SLC35F1: variants seen among roughly 807,000 people sequenced by gnomAD.
The protein encoded by SLC35F1 is solute carrier family 35 member F1, also known as chromosome 6 open reading frame 169.
A neutral mutation model predicts 48.7 loss-of-function variants in SLC35F1; 14 were observed. The ratio of observed to expected loss-of-function variants is 0.29; its 90% CI spans 0.19 to 0.45. The LOEUF (loss-of-function observed/expected upper bound fraction) is 0.45. Ranked by LOEUF, SLC35F1 falls within the 20% of genes least tolerant of loss-of-function variation. SLC35F1 has a pLI of 1.00. For missense variants in SLC35F1, 404 were observed against 500.0 expected (o/e 0.81, Z 1.83); for synonymous variants, 190 against 202.2 (o/e 0.94, Z 0.51).
intron 3 of SLC35F1, among the ~76,000 whole-genome samples, chr6:118,248,099 C>G (rs1775530678): frequency 6.6e-6 from 1 of 152,138 alleles, no homozygotes; most frequent in Non-Finnish European, 1.5e-5. Context: ...CAACCATAAC[C>G]TTCCAGAGTG....
intron 1 of SLC35F1, among the ~76,000 whole-genome samples, chr6:118,113,482 T>TG (rs1387378015): frequency 1.3e-5 from 2 of 151,962 alleles, no homozygotes; most frequent in East Asian, 1.9e-4. Flanking sequence ...GCTATCTATG[T>TG]GTGGGGGCTG....
intron 3 of SLC35F1, among the ~76,000 whole-genome samples, chr6:118,250,331 T>G (rs76013887): frequency 0.014 from 2,104 of 152,322 alleles, 56 homozygotes; most frequent in African/African-American, 0.047. Flanking sequence ...ACCTGGAATT[T>G]GTATTTTGTG....
At chr6:117,908,101 G>A (rs1459006791) in intron 1 of SLC35F1, among the ~76,000 whole-genome samples, 1 of 152,198 alleles carries the variant, frequency 6.6e-6, no homozygotes, top group Non-Finnish European at 1.5e-5. Flanking sequence ...GCCCTGGAGT[G>A]GTGGAGCTGC....
At chr6:118,307,346 G>A (rs963890028) in intron 7 of SLC35F1, among the ~76,000 whole-genome samples, 4 of 152,154 alleles carry the variant, frequency 2.6e-5, no homozygotes, top group Admixed American at 6.5e-5. Flanking sequence ...GTATTTGTCA[G>A]TAGATTCTGT....
At chr6:118,127,405 G>T (rs1773643151) in intron 1 of SLC35F1, among the ~76,000 whole-genome samples, 2 of 151,634 alleles carry the variant, frequency 1.3e-5, no homozygotes, top group South Asian at 4.2e-4. Flanking sequence ...GAGGATTTTT[G>T]CATCAATGTT....
At chr6:118,027,816 A>AT (rs750257092) in intron 1 of SLC35F1, among the ~76,000 whole-genome samples, 112 of 152,152 alleles carry the variant, frequency 7.4e-4, no homozygotes, top group Non-Finnish European at 9.0e-4. Context: ...ATGAAGTCCA[A>AT]TTTGTATTGT....
At chr6:118,067,244 A>T (rs1213407528) in intron 1 of SLC35F1, among the ~76,000 whole-genome samples, 3 of 152,110 alleles carry the variant, frequency 2.0e-5, no homozygotes, top group Non-Finnish European at 4.4e-5. Context: ...TGTTGGGGTA[A>T]AGTTGGGGAG....
intron 1 of SLC35F1, among the ~76,000 whole-genome samples, chr6:118,148,249 A>G (rs1272264694): frequency 2.0e-5 from 3 of 152,356 alleles, no homozygotes; most frequent in African/African-American, 7.2e-5. Flanking sequence ...AGATGATAAC[A>G]TAATTGTTTC....
intron 1 of SLC35F1, among the ~76,000 whole-genome samples, chr6:117,979,651 A>G (rs1289624052): frequency 6.6e-6 from 1 of 152,198 alleles, no homozygotes; most frequent in Non-Finnish European, 1.5e-5. Context: ...TTCTTAAAGC[A>G]CAGAGAGTTA....
intron 1 of SLC35F1, among the ~76,000 whole-genome samples, chr6:118,086,762 C>A (rs1488760306): frequency 6.6e-6 from 1 of 152,166 alleles, no homozygotes; most frequent in Non-Finnish European, 1.5e-5. Context: ...CTGTCAGATG[C>A]TTTTCCTTCA....
intron 2 of SLC35F1, among the ~76,000 whole-genome samples, chr6:118,208,586 A>G (rs1774965986): frequency 6.6e-6 from 1 of 152,184 alleles, no homozygotes; most frequent in African/African-American, 2.4e-5. Context: ...AGACTTTTTA[A>G]TGTAATAAGT....
chr6:118,169,380 C>T (rs1774366696), intron 2 of SLC35F1, among the ~76,000 whole-genome samples: 1 of 152,170 alleles, frequency 6.6e-6, no homozygotes. Context: ...TATGCAGCCT[C>T]CCATGGCTAA....
intron 1 of SLC35F1, among the ~76,000 whole-genome samples, chr6:117,926,809 G>A (rs1776034641): frequency 1.3e-5 from 2 of 152,132 alleles, no homozygotes; most frequent in African/African-American, 2.4e-5. Context: ...TAACATGACT[G>A]ATGTGTTCAT....
At chr6:117,934,250 C>T (rs2114814597) in intron 1 of SLC35F1, among the ~76,000 whole-genome samples, 2 of 152,136 alleles carry the variant, frequency 1.3e-5, no homozygotes, top group Non-Finnish European at 2.9e-5. Context: ...TGCAGTTCAG[C>T]GTGGCTGATG....
At chr6:118,223,164 G>A (rs1310208018) in intron 2 of SLC35F1, among the ~76,000 whole-genome samples, 6 of 152,084 alleles carry the variant, frequency 3.9e-5, no homozygotes. Flanking sequence ...TTACTGATTT[G>A]TTTTATTAAA....
chr6:118,262,574 C>T (rs746634258), intron 3 of SLC35F1, among the ~76,000 whole-genome samples: 24 of 152,150 alleles, frequency 1.6e-4, no homozygotes, highest in Non-Finnish European at 2.5e-4. Flanking sequence ...ACTTGAACTC[C>T]GATCTAGCAG....
chr6:118,185,725 T>C (rs72963655), intron 2 of SLC35F1, among the ~76,000 whole-genome samples: 4,074 of 152,224 alleles, frequency 0.027, 98 homozygotes, highest in Non-Finnish European at 0.04. Flanking sequence ...ACAAGGCCAG[T>C]ACCCTTCACT....
At chr6:118,275,720 C>G in intron 5 of SLC35F1, 105 bp downstream of exon 5, 3 of 1,036,592 alleles carry the variant, frequency 2.9e-6, no homozygotes, top group Non-Finnish European at 4.2e-6. Context: ...ATCCAGACAC[C>G]AGCTTCCTGT....
chr6:118,140,822 CA>C (rs1334839630), intron 1 of SLC35F1, among the ~76,000 whole-genome samples: 2 of 151,304 alleles, frequency 1.3e-5, no homozygotes, highest in Non-Finnish European at 2.9e-5. Flanking sequence ...TTAGTTTTAA[CA>C]AAAAAGTTTA....
Sources: allele counts gnomAD v4.1 joint callset (sites outside exome capture counted in the v4.1 genomes callset), GRCh38; gene constraint gnomAD v4.1.1; transcripts MANE v1.5; gene names NCBI Gene and HGNC (gene_info 2026-07-23, HGNC 2026-07-21).